TGM3: variants seen among roughly 807,000 people sequenced by gnomAD.
TGM3 encodes the protein transglutaminase 3.
Under a neutral mutation model 73.8 loss-of-function variants are expected in TGM3, and 52 were observed. The observed-to-expected ratio is 0.70, with a 90% CI of 0.56 to 0.89. The LOEUF (loss-of-function observed/expected upper bound fraction) is 0.89. Among genes scored for constraint, TGM3 ranks in the 40% least tolerant of loss-of-function variants. The probability of loss-of-function intolerance (pLI) is 0.00; values close to 1 mark genes in which losing one functional copy is unlikely to be tolerated. For synonymous variants in TGM3, 372 were observed against 354.9 expected (o/e 1.05, Z -0.54); for missense variants, 928 against 909.9 (o/e 1.02, Z -0.26).
intron 4 of TGM3, among the ~76,000 whole-genome samples, 176 bp downstream of exon 4, chr20:2,311,305 C>T (rs1332725061): frequency 6.6e-6 from 1 of 152,096 alleles, no homozygotes; most frequent in East Asian, 1.9e-4. Flanking sequence ...CTGGGATCCA[C>T]ACTAAGGATA....
intron 12 of TGM3, 55 bp from the exon 13 acceptor site, chr20:2,340,379 C>A (rs1020261842): frequency 3.1e-6 from 5 of 1,605,264 alleles, no homozygotes; most frequent in East Asian, 2.2e-5. Flanking sequence ...GGAGGCCCGT[C>A]CAGCCCAAGG....
At chr20:2,336,421 C>G (rs1277115084) in intron 11 of TGM3, among the ~76,000 whole-genome samples, 3 of 152,062 alleles carry the variant, frequency 2.0e-5, no homozygotes, top group Non-Finnish European at 2.9e-5. Flanking sequence ...ATAGAAATTG[C>G]CTTTCCCTGT....
intron 1 of TGM3, among the ~76,000 whole-genome samples, chr20:2,305,504 CT>C (rs1185948436): frequency 3.9e-5 from 6 of 152,206 alleles, no homozygotes; most frequent in Non-Finnish European, 8.8e-5. Context: ...CTCTCTGAGC[CT>C]TTGTTCCTCA....
At chr20:2,326,824 G>C (rs1161746065) in intron 8 of TGM3, among the ~76,000 whole-genome samples, 1 of 151,410 alleles carries the variant, frequency 6.6e-6, no homozygotes, top group Non-Finnish European at 1.5e-5. Flanking sequence ...ACTCCGGCCT[G>C]GGAGACAGAG....
At chr20:2,321,324 G>A (rs1188589128) in intron 7 of TGM3, among the ~76,000 whole-genome samples, 2 of 152,170 alleles carry the variant, frequency 1.3e-5, no homozygotes, top group East Asian at 3.9e-4. Flanking sequence ...GGCAATTATG[G>A]AGTAGCAATG....
At chr20:2,304,497 C>G (rs2084167579) in intron 1 of TGM3, among the ~76,000 whole-genome samples, 2 of 152,140 alleles carry the variant, frequency 1.3e-5, no homozygotes, top group African/African-American at 4.8e-5. Flanking sequence ...CAAATGCTAG[C>G]AGGTGGACGA....
rs768891649 is a variant in TGM3, at chr20:2,313,094, C to T, written c.669+68C>T. ...TTGAACACCACCTATGAGCTAGGCA[C>T]GCACACTCTTTACATATGTCATCTC... On this transcript the variant is annotated intron_variant, in intron 5 of 12. Transcript: ENST00000381458. 172 of 1,594,696 alleles carry T rather than the reference C, an allele frequency of 1.1e-4. 1 individual carries two copies. Among genetic ancestry groups the T allele is most frequent in the Non-Finnish European group, 1.3e-4 (149 of 1,167,884 alleles).
rs533496376 is a variant in TGM3, at chr20:2,334,538, C to G, written c.1643-578C>G. On this transcript the variant is annotated intron_variant, in intron 10 of 12. Transcript: ENST00000381458. This position sits in a 1 kb window ranked among gnomAD's most constrained non-coding sequence, Gnocchi z 4.0. ...ATTAGATGACGGGGAGGATCCTAAGCGTTTGTTTAGCCAATACCCTGGCTT... is the reference window on the plus strand; with the variant it reads ...ATTAGATGACGGGGAGGATCCTAAGGGTTTGTTTAGCCAATACCCTGGCTT... Among the ~76,000 whole-genome samples the G allele has an allele frequency of 6.6e-6, 1 of 152,192 alleles. No homozygotes were observed. Among genetic ancestry groups the G allele is most frequent in the Non-Finnish European group, 1.5e-5 (1 of 68,042 alleles).
chr20:2,317,329 C>CA (rs2084239860), intron 6 of TGM3, 21 bp from the exon 7 acceptor site: 6 of 1,614,194 alleles, frequency 3.7e-6, no homozygotes, highest in Non-Finnish European at 2.5e-6. Context: ...CCTGAGTCCT[C>CA]ACGCCCACCC....
intron 7 of TGM3, among the ~76,000 whole-genome samples, chr20:2,320,455 G>A (rs564468451): frequency 1.2e-4 from 19 of 152,256 alleles, no homozygotes; most frequent in African/African-American, 2.4e-4. Context: ...GGTAAACACC[G>A]GGAGACATGT....
At chr20:2,307,623 C>T (rs1171663439) in intron 1 of TGM3, among the ~76,000 whole-genome samples, 2 of 152,140 alleles carry the variant, frequency 1.3e-5, no homozygotes, top group African/African-American at 4.8e-5. Context: ...TTCCACCATT[C>T]ATGATCACTT....
chr20:2,331,866 C>CTG (rs1450853136), intron 9 of TGM3, 136 bp from the exon 10 acceptor site: 3 of 1,006,876 alleles, frequency 3.0e-6, no homozygotes, highest in Non-Finnish European at 4.4e-6. Flanking sequence ...AGCTGGAGAC[C>CTG]TGTGAAAGTC....
intron 1 of TGM3, among the ~76,000 whole-genome samples, chr20:2,299,204 G>A (rs183709458): frequency 3.5e-4 from 53 of 152,106 alleles, no homozygotes; most frequent in African/African-American, 1.3e-3. Context: ...CACCTCATGG[G>A]TGCTTACGAT....
chr20:2,313,895 G>A (rs1006637187), intron 5 of TGM3, among the ~76,000 whole-genome samples: 4 of 152,124 alleles, frequency 2.6e-5, no homozygotes, highest in Non-Finnish European at 5.9e-5. Context: ...GCCAGGCATA[G>A]GCAGACACGG....
intron 1 of TGM3, among the ~76,000 whole-genome samples, chr20:2,306,534 T>A (rs1344652106): frequency 6.7e-6 from 1 of 149,214 alleles, no homozygotes. Flanking sequence ...TGGAGTGCAG[T>A]GGCATGATCT....
At position 2,334,204 on chromosome 20, in the gene TGM3, T is replaced by G. The variant is rs1011458297; in HGVS notation, c.1643-912T>G. ...GGCATTTCCATCTGGGGGAACCATGTGAGTCAAAATATGGGGGCGAAAAGG... is the reference window on the plus strand; with the variant it reads ...GGCATTTCCATCTGGGGGAACCATGGGAGTCAAAATATGGGGGCGAAAAGG... On this transcript the variant is annotated intron_variant, in intron 10 of 12. Transcript: ENST00000381458. This position sits in a 1 kb window ranked among gnomAD's most constrained non-coding sequence, Gnocchi z 4.0. Among the ~76,000 whole-genome samples, 8 of 152,104 alleles carry G rather than the reference T, an allele frequency of 5.3e-5. No individual in the cohort carries two copies. Among genetic ancestry groups the G allele is most frequent in the African/African-American group, 1.9e-4 (8 of 41,422 alleles).
chr20:2,313,036 A>G lies in TGM3; in HGVS notation c.669+10A>G. 6.2e-7 allele frequency: 1 copy of G among 1,614,084 alleles called. No individual in the cohort carries two copies. Among genetic ancestry groups the G allele is most frequent in the Non-Finnish European group, 8.5e-7 (1 of 1,180,002 alleles). ...GGTGCTGAGTGCCATGGTGAGTAAC[A>G]GGAAAACGATCACAGCTAGTTGTCA... On this transcript the variant is annotated intron_variant, in intron 5 of 12. Transcript: ENST00000381458.
At position 2,328,295 on chromosome 20, in the gene TGM3, G is replaced by T. The variant is rs751778252; in HGVS notation, c.1263G>T (p.Arg421Ser). 1 of 1,614,188 alleles carries T rather than the reference G, an allele frequency of 6.2e-7. No individual in the cohort carries two copies. Among genetic ancestry groups the T allele is most frequent in the Non-Finnish European group, 8.5e-7 (1 of 1,180,040 alleles). ...KNSVNSHTIG[R>S]YISTKAVGSN... is the part of the protein sequence containing the mutation. The stretch of plus-strand genomic sequence containing the variant: ...CCGTGAACAGTCACACCATTGGCAG[G>T]TACATCAGCACCAAGGCGGTGGGCA... The change falls in exon 9 of 13, where the codon AGG (arginine) becomes AGT (serine). Residue 421 changes from arginine (R) to serine (S), a missense_variant. By Grantham distance (110) the Arg-to-Ser change is moderately radical. Transcript: ENST00000381458. The surrounding 1 kb of genome is among the most constrained non-coding windows in gnomAD (Gnocchi z 5.2).
Position 2,311,235 on chromosome 20 carries a change from C to G in TGM3, c.540+106C>G. The G allele has an allele frequency of 3.2e-6, 3 of 934,948 alleles. No homozygotes were observed. The Admixed American group carries it at 5.6e-5, about 17-fold the overall frequency. The allele number at this position is 934,948 out of a possible 1,614,324, so 57.9% of individuals were successfully genotyped here. The stretch of plus-strand genomic sequence containing the variant: ...AGTCCCACATCTGTCCATCTGCCTG[C>G]CCTTCTATTTGTTCATGTATTCAGA... On this transcript the variant is annotated intron_variant, in intron 4 of 12. Transcript: ENST00000381458.
Sources: gnomAD v4.1 joint callset for allele counts (sites outside exome capture counted in the v4.1 genomes callset) on GRCh38, gnomAD v4.1.1 for gene constraint, Gnocchi (gnomAD v3.1) non-coding constraint, MANE v1.5 for transcripts, NCBI Gene and HGNC (gene_info 2026-07-23, HGNC 2026-07-21) for gene names.